The following SMYD3 variants were observed in gnomAD, a reference collection of about 807,000 sequenced individuals.
SMYD3 encodes the protein SET and MYND domain containing 3, also known as histone-lysine N-methyltransferase SMYD3.
SMYD3 carries 36 observed loss-of-function variants against 57.7 expected under a neutral mutation model. The observed-to-expected ratio is 0.62, with a 90% CI of 0.48 to 0.82. SMYD3 has a LOEUF of 0.82. SMYD3 is among the 40% of genes least tolerant of loss of function. The probability of loss-of-function intolerance (pLI) is 0.00; values close to 1 mark genes in which losing one functional copy is unlikely to be tolerated. For missense variants in SMYD3, 515 were observed against 538.8 expected (o/e 0.96, Z 0.44); for synonymous variants, 211 against 195.0 (o/e 1.08, Z -0.68).
chr1:246,327,004 C>G, intron 5 of SMYD3, 197 bp downstream of exon 5: 1 of 601,638 alleles, frequency 1.7e-6, no homozygotes, highest in South Asian at 2.3e-5. Flanking sequence ...GAATATTAAT[C>G]AAACAGAAAA....
intron 1 of SMYD3, among the ~76,000 whole-genome samples, chr1:246,404,188 C>T (rs1301379463): frequency 2.0e-5 from 3 of 152,162 alleles, no homozygotes; most frequent in African/African-American, 4.8e-5. Context: ...TGGTGGCCAC[C>T]GCTGCTGAGG....
intron 1 of SMYD3, among the ~76,000 whole-genome samples, chr1:246,386,892 T>TCA (rs202074965): frequency 2.7e-5 from 4 of 147,752 alleles, no homozygotes; most frequent in African/African-American, 9.9e-5. Context: ...CTTTCTGATA[T>TCA]AAAAAAAAAA....
chr1:246,104,052 G>A (rs1353754377), intron 5 of SMYD3, among the ~76,000 whole-genome samples: 2 of 152,170 alleles, frequency 1.3e-5, no homozygotes, highest in African/African-American at 4.8e-5. Context: ...GCCTGGTATG[G>A]AACACAAACT....
At chr1:246,097,403 G>C (rs1026050111) in intron 5 of SMYD3, among the ~76,000 whole-genome samples, 1 of 152,116 alleles carries the variant, frequency 6.6e-6, no homozygotes, top group Non-Finnish European at 1.5e-5. Flanking sequence ...TTCCAGCTCA[G>C]ACAAGGTTCC....
intron 5 of SMYD3, among the ~76,000 whole-genome samples, chr1:245,934,025 AAC>A (rs1277925314): frequency 1.3e-5 from 2 of 152,224 alleles, no homozygotes; most frequent in African/African-American, 4.8e-5. Context: ...CAAATTTTAA[AAC>A]ACATTTAAAA....
intron 1 of SMYD3, among the ~76,000 whole-genome samples, chr1:246,367,404 T>C (rs1273354628): frequency 2.0e-5 from 3 of 152,234 alleles, no homozygotes; most frequent in African/African-American, 7.2e-5. Flanking sequence ...AAATTGTGCA[T>C]ATTTTAAGGC....
At chr1:245,801,689 T>G (rs2047869411) in intron 10 of SMYD3, among the ~76,000 whole-genome samples, 1 of 150,576 alleles carries the variant, frequency 6.6e-6, no homozygotes, top group African/African-American at 2.5e-5. Context: ...TTAGTTATCT[T>G]CTTTTACACA....
intron 5 of SMYD3, among the ~76,000 whole-genome samples, chr1:246,001,157 C>T (rs192255793): frequency 1.3e-5 from 2 of 152,290 alleles, no homozygotes; most frequent in African/African-American, 2.4e-5. Context: ...AGGATCCTAT[C>T]GGGCTAGCTC....
chr1:245,981,509 A>AAC (rs1317483155), intron 5 of SMYD3, among the ~76,000 whole-genome samples: 1 of 152,256 alleles, frequency 6.6e-6, no homozygotes, highest in Non-Finnish European at 1.5e-5. Flanking sequence ...TAAAGGAATA[A>AAC]ACACTTGCAA....
At chr1:245,977,496 T>C (rs1342466364) in intron 5 of SMYD3, among the ~76,000 whole-genome samples, 1 of 152,074 alleles carries the variant, frequency 6.6e-6, no homozygotes, top group Non-Finnish European at 1.5e-5. Flanking sequence ...CTGGGCAACA[T>C]GGTGAAACCT....
chr1:246,303,324 G>A (rs990526286), intron 5 of SMYD3, among the ~76,000 whole-genome samples: 1 of 152,114 alleles, frequency 6.6e-6, no homozygotes, highest in African/African-American at 2.4e-5. Flanking sequence ...TATAATAAAT[G>A]AGTGCTGTTT....
At chr1:245,843,723 A>AT (rs1409382268) in intron 10 of SMYD3, among the ~76,000 whole-genome samples, 1 of 152,204 alleles carries the variant, frequency 6.6e-6, no homozygotes, top group Non-Finnish European at 1.5e-5. Flanking sequence ...AGGAAAGGGT[A>AT]TGTGTGGTCC....
At chr1:246,205,162 G>A (rs2062978414) in intron 5 of SMYD3, among the ~76,000 whole-genome samples, 1 of 152,302 alleles carries the variant, frequency 6.6e-6, no homozygotes, top group East Asian at 1.9e-4. Flanking sequence ...CTTAAAAGGA[G>A]GCATGGAATT....
chr1:246,308,575 AC>A (rs1019459322), intron 5 of SMYD3, among the ~76,000 whole-genome samples: 1 of 151,794 alleles, frequency 6.6e-6, no homozygotes, highest in African/African-American at 2.4e-5. Context: ...CTCTAGAAAA[AC>A]CCCCTACCAA....
chr1:245,821,842 A>C (rs1197873132), intron 10 of SMYD3, among the ~76,000 whole-genome samples: 2 of 151,196 alleles, frequency 1.3e-5, no homozygotes, highest in African/African-American at 2.4e-5. Flanking sequence ...CAAAACCACA[A>C]TGAGATACCA....
At chr1:246,053,661 T>A (rs2060100498) in intron 5 of SMYD3, among the ~76,000 whole-genome samples, 1 of 151,978 alleles carries the variant, frequency 6.6e-6, no homozygotes, top group Admixed American at 6.6e-5. Flanking sequence ...TAATTAAAAA[T>A]GGATTATAGT....
intron 1 of SMYD3, among the ~76,000 whole-genome samples, chr1:246,366,930 C>CAAAAAAA: frequency 1.7e-5 from 1 of 58,586 alleles, no homozygotes; most frequent in Non-Finnish European, 3.6e-5. Flanking sequence ...GACTCCATCT[C>CAAAAAAA]AAAAAAAAAA....
chr1:245,951,567 T>A (rs1221520834), intron 5 of SMYD3, among the ~76,000 whole-genome samples: 3 of 99,268 alleles, frequency 3.0e-5, no homozygotes, highest in African/African-American at 1.6e-4. Context: ...AGGCTCTCTC[T>A]CAAAAAAAAA....
chr1:246,108,464 C>T (rs1347005572), intron 5 of SMYD3, among the ~76,000 whole-genome samples: 1 of 152,216 alleles, frequency 6.6e-6, no homozygotes, highest in African/African-American at 2.4e-5. Flanking sequence ...CAAGCTCACC[C>T]TCTTCAACAA....
Sources: allele counts gnomAD v4.1 joint callset (sites outside exome capture counted in the v4.1 genomes callset), GRCh38; gene constraint gnomAD v4.1.1; transcripts MANE v1.5; gene names NCBI Gene and HGNC (gene_info 2026-07-23, HGNC 2026-07-21).